SH3PXD2B: variants seen among roughly 807,000 people sequenced by gnomAD.
SH3PXD2B encodes the protein SH3 and PX domains 2B, also known as SH3 and PX domain-containing protein 2B.
In SH3PXD2B, 37 loss-of-function variants were observed where a neutral mutation model predicts 73.1. That is an observed-to-expected ratio of 0.51 (90% CI 0.39 to 0.67). The LOEUF is 0.67. Among genes scored for constraint, SH3PXD2B ranks in the 30% least tolerant of loss-of-function variants. The pLI is 0.00. For synonymous variants in SH3PXD2B, 457 were observed against 480.5 expected (o/e 0.95, Z 0.64); for missense variants, 1,053 against 1,197.8 (o/e 0.88, Z 1.78).
intron 4 of SH3PXD2B, among the ~76,000 whole-genome samples, chr5:172,385,517 T>G (rs1371947612): frequency 6.6e-6 from 1 of 152,174 alleles, no homozygotes; most frequent in Non-Finnish European, 1.5e-5. Context: ...TCACCTTCCC[T>G]ACGTGCCTAG....
intron 2 of SH3PXD2B, among the ~76,000 whole-genome samples, chr5:172,409,768 T>C (rs1025367618): frequency 1.3e-5 from 2 of 152,194 alleles, no homozygotes; most frequent in South Asian, 2.1e-4. Context: ...CAGGCTGGAG[T>C]GCAATGGCAC....
Position 172,333,505 on chromosome 5 carries a change from A to G in SH3PXD2B, c.*4864T>C. 1 of 1,170,388 alleles carries G rather than the reference A, an allele frequency of 8.5e-7. No individual in the cohort carries two copies. Among genetic ancestry groups the G allele is most frequent in the Non-Finnish European group, 1.1e-6 (1 of 937,704 alleles). The allele number at this position is 1,170,388 out of a possible 1,614,324, so 72.5% of individuals were successfully genotyped here. On this transcript the variant is annotated 3_prime_UTR_variant, in exon 13 of 13. Transcript: ENST00000311601. Reference sequence around the variant, plus strand: ...AATCCATAGACACTGCATCTTCATGATGAAGCTTGAAACCAGTCAAGCACT... The same window carrying G: ...AATCCATAGACACTGCATCTTCATGGTGAAGCTTGAAACCAGTCAAGCACT...
At chr5:172,329,078 TA>T (rs1367967108), downstream of SH3PXD2B, among the ~76,000 whole-genome samples, 52 of 89,780 alleles carry the variant, frequency 5.8e-4, 2 homozygotes, top group African/African-American at 1.3e-3. Context: ...TATATATATA[TA>T]TATATTTTTT....
chr5:172,341,846 A>G (rs1261871643), intron 12 of SH3PXD2B, among the ~76,000 whole-genome samples: 1 of 150,420 alleles, frequency 6.6e-6, no homozygotes, highest in Non-Finnish European at 1.5e-5. Flanking sequence ...TTTAGTAGAG[A>G]TGGGGTTTCA....
At chr5:172,349,569 A>G (rs74774840) in intron 10 of SH3PXD2B, among the ~76,000 whole-genome samples, 2,147 of 152,256 alleles carry the variant, frequency 0.014, 23 homozygotes, top group Middle Eastern at 0.034. Context: ...TGGCTTAGAA[A>G]CGAGGCCACA....
At chr5:172,437,266 G>A (rs1355029406) in intron 1 of SH3PXD2B, among the ~76,000 whole-genome samples, 1 of 152,190 alleles carries the variant, frequency 6.6e-6, no homozygotes, top group Non-Finnish European at 1.5e-5. Context: ...GAGACCCTGG[G>A]TTCCCTTTGG....
chr5:172,333,084 C>T (rs10068462), downstream of SH3PXD2B, among the ~76,000 whole-genome samples: 1,571 of 138,106 alleles, frequency 0.011, 16 homozygotes, highest in African/African-American at 0.04. Flanking sequence ...TACAGGCGCC[C>T]GACACCACGC....
At chr5:172,390,986 C>CA (rs1250225667) in intron 4 of SH3PXD2B, among the ~76,000 whole-genome samples, 1 of 152,128 alleles carries the variant, frequency 6.6e-6, no homozygotes, top group Non-Finnish European at 1.5e-5. Flanking sequence ...GGATTACAGG[C>CA]ATGCGCCACC....
At position 172,452,172 on chromosome 5, in the gene SH3PXD2B, A is replaced by G. The variant is rs58416945; in HGVS notation, c.75+2106T>C. On this transcript the variant is annotated intron_variant, in intron 1 of 12. Coordinates refer to ENST00000311601, the MANE Select transcript of SH3PXD2B (RefSeq NM_001017995.3). ...AAATGGACACCACCATCCCCATTAC[A>G]CAGATGAAAAAACTGAGGCTGAGGT... 5.0e-3 allele frequency among the ~76,000 whole-genome samples: 759 copies of G among 152,246 alleles called. 5 individuals carry two copies. Among genetic ancestry groups the G allele is most frequent in the African/African-American group, 0.017 (704 of 41,536 alleles).
At chr5:172,418,578 G>C (rs1408168750) in intron 2 of SH3PXD2B, among the ~76,000 whole-genome samples, 2 of 152,244 alleles carry the variant, frequency 1.3e-5, no homozygotes, top group African/African-American at 4.8e-5. Context: ...TCTAACTCCA[G>C]GGTGTTGCAG....
At position 172,339,360 on chromosome 5, in the gene SH3PXD2B, G is replaced by T; in HGVS notation, c.1745C>A (p.Pro582His). Residue 582 changes from proline to histidine, a missense_variant, in exon 13 of 13, where the codon CCT becomes CAT. Physicochemically the swap from Pro to His is moderately conservative, Grantham distance 77. This residue lies in a region of SH3PXD2B where 587 missense variants were observed against 590.7 expected (regional missense o/e 0.99). Transcript: ENST00000311601. The surrounding 1 kb of genome is among the most constrained non-coding windows in gnomAD (Gnocchi z 6.1). Reference sequence around the variant, plus strand: ...CAGCTGGAACAGTCTGCTTTTGTCAGGTTTGGGCTCTGGCCTCCTGCTGTC... The same window carrying T: ...CAGCTGGAACAGTCTGCTTTTGTCATGTTTGGGCTCTGGCCTCCTGCTGTC... ...ARDSRRPEPK[P>H]DKSRLFQLKN... 6.2e-7 allele frequency: 1 copy of T among 1,614,214 alleles called. No homozygotes were observed. The highest frequency in any genetic ancestry group is 8.5e-7 in the Non-Finnish European group (1 of 1,180,044).
chr5:172,361,932 A>C (rs1276542019), intron 7 of SH3PXD2B, among the ~76,000 whole-genome samples: 1 of 152,156 alleles, frequency 6.6e-6, no homozygotes, highest in African/African-American at 2.4e-5. Flanking sequence ...GGATTAGCTA[A>C]CGTCACATGT....
chr5:172,428,635 GGTTACCAAACCTA>G (rs1581332291), intron 1 of SH3PXD2B, among the ~76,000 whole-genome samples: 1 of 152,160 alleles, frequency 6.6e-6, no homozygotes, highest in East Asian at 1.9e-4. Context: ...AACTTAACCA[GGTTACCAAACCTA>G]GCCTCATGGA....
At chr5:172,418,064 G>C (rs912963852) in intron 2 of SH3PXD2B, among the ~76,000 whole-genome samples, 1 of 152,190 alleles carries the variant, frequency 6.6e-6, no homozygotes, top group Non-Finnish European at 1.5e-5. Context: ...CCACTAGAGA[G>C]AGGAGCCCCA....
rs757370652 is a variant in SH3PXD2B, at chr5:172,336,463, C to T, written c.*1906G>A. 1.1e-5 allele frequency: 11 copies of T among 985,838 alleles called. No individual in the cohort carries two copies. The highest frequency in any genetic ancestry group is 5.2e-4 in the Middle Eastern group (1 of 1,938). The allele number at this position is 985,838 out of a possible 1,614,324, so 61.1% of individuals were successfully genotyped here. A position where few individuals can be genotyped will look rare whatever the true frequency, so the allele number is the denominator to read the frequency against. ...AAATGGGATTTGCAGGCCGACTGGA[C>T]GAAGGCACTAAAGATGCTACAGGTG... On this transcript the variant is annotated 3_prime_UTR_variant, in exon 13 of 13. Coordinates refer to ENST00000311601, the MANE Select transcript of SH3PXD2B (RefSeq NM_001017995.3).
downstream of SH3PXD2B, among the ~76,000 whole-genome samples, chr5:172,330,338 TGG>T (rs1247090483): frequency 6.6e-5 from 10 of 152,126 alleles, no homozygotes; most frequent in African/African-American, 2.2e-4. Flanking sequence ...AAACAGAATT[TGG>T]GTGAAGGATG....
intron 4 of SH3PXD2B, among the ~76,000 whole-genome samples, chr5:172,385,271 T>A (rs80322116): frequency 6.6e-6 from 1 of 152,036 alleles, no homozygotes; most frequent in Non-Finnish European, 1.5e-5. Flanking sequence ...AAATATCTTG[T>A]GGCTTCCCCC....
chr5:172,422,499 G>T lies in SH3PXD2B; in HGVS notation c.76-3C>A, dbSNP rs1271945980. The stretch of plus-strand genomic sequence containing the variant: ...CACGTGACCCGGATGATGTAGACCT[G>T]CGGGAGCAACAGAGGAGATGGGTGT... On this transcript the variant is annotated splice_region_variant and splice_polypyrimidine_tract_variant and intron_variant, in intron 1 of 12. Coordinates refer to ENST00000311601, the MANE Select transcript of SH3PXD2B (RefSeq NM_001017995.3). 3 of 1,610,748 alleles carry T rather than the reference G, an allele frequency of 1.9e-6. No individual in the cohort carries two copies.
At chr5:172,399,873 A>C (rs1421910855) in intron 3 of SH3PXD2B, among the ~76,000 whole-genome samples, 1 of 152,146 alleles carries the variant, frequency 6.6e-6, no homozygotes, top group Non-Finnish European at 1.5e-5. Context: ...CTTTTCCTGC[A>C]CTTATTCGAC....
Sources: gnomAD v4.1 joint callset for allele counts (sites outside exome capture counted in the v4.1 genomes callset) on GRCh38, gnomAD v4.1.1 for gene constraint, gnomAD v4.1.1 regional missense constraint, Gnocchi (gnomAD v3.1) non-coding constraint, MANE v1.5 for transcripts, NCBI Gene and HGNC (gene_info 2026-07-23, HGNC 2026-07-21) for gene names.